Variants in FAT3 observed in about 807,000 individuals in gnomAD.
FAT3 encodes the protein FAT atypical cadherin 3.
FAT3 carries 95 observed loss-of-function variants against 310.2 expected under a neutral mutation model. That is an observed-to-expected ratio of 0.31 (90% CI 0.26 to 0.36). The LOEUF (loss-of-function observed/expected upper bound fraction) is 0.36, where lower values mean the gene tolerates loss of function less well. FAT3 is among the 10% of genes least tolerant of loss of function. The pLI, the probability that FAT3 is intolerant of heterozygous loss-of-function variation, is 1.00. For synonymous variants in FAT3, 2,314 were observed against 2,192.9 expected, an observed-to-expected ratio of 1.06 and a Z score of -1.54; for missense variants, 5,408 against 5,715.6, an observed-to-expected ratio of 0.95 and a Z score of 1.74.
intron 1 of FAT3, among the ~76,000 whole-genome samples, chr11:92,316,414 T>TA (rs1490935016): frequency 1.2e-4 from 19 of 152,042 alleles, no homozygotes; most frequent in Admixed American, 9.8e-4. Context: ...TTGCTTTGAT[T>TA]AAAAAAAACT....
chr11:92,885,444 G>A (rs1323492332), intron 24 of FAT3, among the ~76,000 whole-genome samples: 1 of 152,114 alleles, frequency 6.6e-6, no homozygotes, highest in African/African-American at 2.4e-5. Flanking sequence ...GAGGGTGAGC[G>A]GTATTAGAGG....
chr11:92,298,701 T>A (rs180759986), intron 1 of FAT3, among the ~76,000 whole-genome samples: 156 of 152,156 alleles, frequency 1.0e-3, no homozygotes, highest in African/African-American at 3.6e-3. Context: ...AACTTCCAAT[T>A]TTTTTTCCTC....
At chr11:92,522,316 G>A (rs1360298999) in intron 2 of FAT3, among the ~76,000 whole-genome samples, 1 of 152,128 alleles carries the variant, frequency 6.6e-6, no homozygotes, top group Non-Finnish European at 1.5e-5. Context: ...TCTGTGATGT[G>A]CTGGTGTCCT....
intron 3 of FAT3, among the ~76,000 whole-genome samples, chr11:92,649,784 T>G (rs1942300142): frequency 6.6e-6 from 1 of 151,404 alleles, no homozygotes; most frequent in Non-Finnish European, 1.5e-5. Context: ...TGGTGAGAGA[T>G]CAAAGTGAAA....
At chr11:92,793,548 A>G (rs899019516) in intron 9 of FAT3, among the ~76,000 whole-genome samples, 2 of 152,192 alleles carry the variant, frequency 1.3e-5, no homozygotes, top group Admixed American at 1.3e-4. Context: ...TAAATTTGAG[A>G]TGTTTTAAAA....
chr11:92,261,154 A>G (rs895503904), intron 1 of FAT3, among the ~76,000 whole-genome samples: 19 of 152,090 alleles, frequency 1.2e-4, no homozygotes, highest in Non-Finnish European at 1.3e-4. Context: ...CTGTGAAAAG[A>G]TAGTATTTTC....
At chr11:92,469,122 A>T (rs1344611061) in intron 2 of FAT3, among the ~76,000 whole-genome samples, 1 of 152,122 alleles carries the variant, frequency 6.6e-6, no homozygotes. Context: ...AGGTCATTGT[A>T]TATGTTACTG....
chr11:92,478,599 C>T (rs992250834), intron 2 of FAT3, among the ~76,000 whole-genome samples: 7 of 151,572 alleles, frequency 4.6e-5, no homozygotes, highest in Admixed American at 2.6e-4. Flanking sequence ...TAAACAGAAA[C>T]GATGCACTTT....
chr11:92,867,485 C>G (rs1282985124), intron 22 of FAT3, among the ~76,000 whole-genome samples: 1 of 152,210 alleles, frequency 6.6e-6, no homozygotes, highest in African/African-American at 2.4e-5. Flanking sequence ...CTCCCCTGTC[C>G]AACCCCTGGC....
At chr11:92,859,362 A>ATGC in intron 21 of FAT3, 40 bp downstream of exon 21, 1 of 1,486,560 alleles carries the variant, frequency 6.7e-7, no homozygotes, top group Non-Finnish European at 9.0e-7. Flanking sequence ...GTCAGTTCTC[A>ATGC]TGTTAGTGTT....
chr11:92,300,494 A>G (rs1486669990), intron 1 of FAT3, among the ~76,000 whole-genome samples: 1 of 152,124 alleles, frequency 6.6e-6, no homozygotes, highest in Non-Finnish European at 1.5e-5. Context: ...TCAGACTGCA[A>G]TTACTGTTTC....
intron 3 of FAT3, among the ~76,000 whole-genome samples, chr11:92,563,606 T>C (rs1160861265): frequency 6.6e-6 from 1 of 152,122 alleles, no homozygotes; most frequent in Non-Finnish European, 1.5e-5. Flanking sequence ...TGAGACTGAA[T>C]TTCTCTCGAC....
Position 92,736,367 on chromosome 11 carries a change from G to A in FAT3, c.3670-25489G>A, listed in dbSNP as rs138956373. Among the ~76,000 whole-genome samples, 13 of 152,216 alleles carry A rather than the reference G, an allele frequency of 8.5e-5. No homozygotes were observed. In the East Asian group the frequency reaches 2.5e-3, roughly 29 times the overall value. ...CCAAATGTGCACCTGTTCAGAGCAA[G>A]CCATAATTCCTCACCTCAGACCACG... On this transcript the variant is annotated intron_variant, in intron 4 of 27. Coordinates refer to ENST00000525166, the MANE Select transcript of FAT3 (RefSeq NM_001367949.2).
chr11:92,592,318 C>CTG, intron 3 of FAT3, among the ~76,000 whole-genome samples: 1 of 108,254 alleles, frequency 9.2e-6, no homozygotes. Context: ...TCCTAATTGT[C>CTG]TTTTTTTTTT....
chr11:92,314,765 A>G (rs1947392696), intron 1 of FAT3, among the ~76,000 whole-genome samples: 1 of 152,202 alleles, frequency 6.6e-6, no homozygotes, highest in Non-Finnish European at 1.5e-5. Context: ...TAGCTGTGTT[A>G]TCTTGCAAAC....
At chr11:92,593,619 C>A (rs1377807390) in intron 3 of FAT3, among the ~76,000 whole-genome samples, 1 of 151,874 alleles carries the variant, frequency 6.6e-6, no homozygotes, top group Non-Finnish European at 1.5e-5. Flanking sequence ...ATCAAGTGCC[C>A]CCTATATCTT....
At chr11:92,394,843 T>A (rs1399570021) in intron 2 of FAT3, among the ~76,000 whole-genome samples, 1 of 152,210 alleles carries the variant, frequency 6.6e-6, no homozygotes, top group African/African-American at 2.4e-5. Flanking sequence ...TGAAGGCTAT[T>A]GGAGTCTTTA....
chr11:92,580,249 A>G (rs1938714853), intron 3 of FAT3, among the ~76,000 whole-genome samples: 1 of 152,196 alleles, frequency 6.6e-6, no homozygotes, highest in South Asian at 2.1e-4. Flanking sequence ...ACTCCAGAGC[A>G]TCCTTACTTA....
At chr11:92,653,168 TAAATA>T (rs1174814608) in intron 3 of FAT3, among the ~76,000 whole-genome samples, 3 of 151,870 alleles carry the variant, frequency 2.0e-5, no homozygotes, top group Non-Finnish European at 4.4e-5. Context: ...AAAAAATAAA[TAAATA>T]AAATTAAATC....
Sources: gnomAD v4.1 joint callset for allele counts (sites outside exome capture counted in the v4.1 genomes callset) on GRCh38, gnomAD v4.1.1 for gene constraint, MANE v1.5 for transcripts, NCBI Gene and HGNC (gene_info 2026-07-23, HGNC 2026-07-21) for gene names.